HOXD3: variants seen among roughly 807,000 people sequenced by gnomAD.
HOXD3 encodes homeobox protein Hox-D3.
Under a neutral mutation model 32.8 loss-of-function variants are expected in HOXD3, and 13 were observed. The ratio of observed to expected loss-of-function variants is 0.40; its 90% confidence interval spans 0.26 to 0.63. The LOEUF (loss-of-function observed/expected upper bound fraction) is 0.63, where lower values mean the gene tolerates loss of function less well. Ranked by LOEUF, HOXD3 falls within the 20% of genes least tolerant of loss-of-function variation. HOXD3 has a pLI of 0.44. For missense variants in HOXD3, 504 were observed against 577.1 expected (o/e 0.87, Z 1.30); for synonymous variants, 241 against 246.8 (o/e 0.98, Z 0.22).
intron 1 of HOXD3, among the ~76,000 whole-genome samples, chr2:176,162,133 A>G (rs904277889): frequency 2.0e-5 from 3 of 152,276 alleles, no homozygotes; most frequent in Non-Finnish European, 4.4e-5. Context: ...CGCCATCATA[A>G]GAGAGCAGTA....
chr2:176,172,186 G>C lies in HOXD3; in HGVS notation c.1211G>C (p.Cys404Ser). 6.2e-7 allele frequency: 1 copy of C among 1,612,872 alleles called. No homozygotes were observed. The highest frequency in any genetic ancestry group is 8.5e-7 in the Non-Finnish European group (1 of 1,179,980). Residue 404 changes from cysteine to serine, a missense_variant, in exon 4 of 4, where the codon TGC becomes TCC. This residue lies in a region of HOXD3 where 226 missense variants were observed against 246.9 expected (regional missense o/e 0.92). Transcript: ENST00000683222. ...CCAGGCAACCACCACCATGGACCTT[G>C]CGACCCTCATCCCACCTACACAGAT... is the stretch of plus-strand genomic sequence containing the variant. The part of the protein sequence containing the change: ...QIPGNHHHGP[C>S]DPHPTYTDLS...
upstream of HOXD3, chr2:176,153,168 T>G: frequency 1.7e-6 from 1 of 574,954 alleles, no homozygotes; most frequent in Non-Finnish European, 3.1e-6. Context: ...AAGTATATTA[T>G]ATGGCAGGAG....
In HOXD3 at chr2:176,164,173, G is replaced by A. The variant is rs1690891740; in HGVS notation, c.-85+5G>A. On this transcript the variant is annotated splice_donor_5th_base_variant and intron_variant, in intron 2 of 3. Transcript: ENST00000683222. ...ACACACACATACATAATTGTGGTGA[G>A]TGGGCATCATTTAAATAATAATTTC... The A allele has an allele frequency of 6.6e-6, 1 of 152,110 alleles. No individual in the cohort carries two copies. The highest frequency in any genetic ancestry group is 2.4e-5 in the African/African-American group (1 of 41,432). 9.4% of individuals were successfully genotyped at this position (152,110 alleles called of 1,614,324 possible).
In HOXD3 at chr2:176,169,058, GCT is replaced by G; in HGVS notation, c.-51_-50del. On this transcript the variant is annotated 5_prime_UTR_variant, in exon 3 of 4. Coordinates refer to ENST00000683222, the MANE Select transcript of HOXD3 (RefSeq NM_006898.5). The stretch of plus-strand genomic sequence containing the variant: ...CACCTGGAGCCTGGGGGCCGGCCCA[GCT>G]CTCTCAGGATTCAGCAGACATTGGA... The G allele has an allele frequency of 6.5e-7, 1 of 1,541,988 alleles. No homozygotes were observed. Among genetic ancestry groups the G allele is most frequent in the Non-Finnish European group, 8.7e-7 (1 of 1,143,766 alleles).
chr2:176,172,257 A>G lies in HOXD3; in HGVS notation c.1282A>G (p.Lys428Glu). The G allele has an allele frequency of 6.2e-7, 1 of 1,602,568 alleles. No homozygotes were observed. Among genetic ancestry groups the G allele is most frequent in the Non-Finnish European group, 8.5e-7 (1 of 1,177,666 alleles). Residue 428 changes from lysine to glutamate, a missense_variant, in exon 4 of 4, where the codon AAA becomes GAA. This residue lies in a region of HOXD3 where 226 missense variants were observed against 246.9 expected (regional missense o/e 0.92). Coordinates refer to ENST00000683222, the MANE Select transcript of HOXD3 (RefSeq NM_006898.5). ...TCAGGGACGACTGCCGGAGGCTCCC[A>G]AACTGACGCATCTGTAGCGGCCGCC... ...SSQGRLPEAP[K>E]LTHL
intron 2 of HOXD3, among the ~76,000 whole-genome samples, chr2:176,166,612 G>T (rs189226594): frequency 1.3e-5 from 2 of 152,168 alleles, no homozygotes; most frequent in Admixed American, 1.3e-4. Context: ...TTTTAACAGA[G>T]AATGATATAT....
At chr2:176,165,122 C>A (rs1054784349) in intron 2 of HOXD3, 1 of 152,242 alleles carries the variant, frequency 6.6e-6, no homozygotes, top group Non-Finnish European at 1.5e-5. Context: ...GCCTCCTACG[C>A]GGAGCCTGCT....
At chr2:176,166,343 C>A (rs982057176) in intron 2 of HOXD3, among the ~76,000 whole-genome samples, 8 of 152,196 alleles carry the variant, frequency 5.3e-5, no homozygotes, top group Admixed American at 2.0e-4. Context: ...TCTAGATCAA[C>A]TTTGTCAACT....
At chr2:176,152,955 T>TCTTATAGAAGTGG, upstream of HOXD3, 20 of 1,612,052 alleles carry the variant, frequency 1.2e-5, no homozygotes, top group Non-Finnish European at 1.6e-5. This position sits in a 1 kb window ranked among gnomAD's most constrained non-coding sequence, Gnocchi z 5.2. Flanking sequence ...GTGGGGACCC[T>TCTTATAGAAGTGG]GGGCCCATCT....
chr2:176,159,123 T>C (rs1690718876), intron 1 of HOXD3, among the ~76,000 whole-genome samples: 1 of 152,070 alleles, frequency 6.6e-6, no homozygotes, highest in African/African-American at 2.4e-5. Context: ...TTAGATCCTT[T>C]CCTGGAGACA....
rs199829552 is a variant in HOXD3, at chr2:176,172,104, G to C, written c.1129G>C (p.Gly377Arg). The change falls in exon 4 of 4, where the codon GGC (glycine) becomes CGC (arginine). Residue 377 changes from glycine to arginine, a missense_variant. Gly to Arg is a moderately radical substitution (Grantham distance 125, BLOSUM62 -2). Transcript: ENST00000683222. ...APASGPVFNLGHLSHPSSASV... is the reference protein window; with the variant it reads ...APASGPVFNLRHLSHPSSASV... ...CGCGTCCGGGCCTGTCTTCAACCTG[G>C]GCCACCTCTCGCACCCGTCGTCGGC... is the stretch of plus-strand genomic sequence containing the variant. 4 of 1,612,600 alleles carry C rather than the reference G, an allele frequency of 2.5e-6. No homozygotes were observed. Among genetic ancestry groups the C allele is most frequent in the East Asian group, 4.5e-5 (2 of 44,854 alleles).
At chr2:176,160,482 G>A (rs1352264645) in intron 1 of HOXD3, among the ~76,000 whole-genome samples, 4 of 152,196 alleles carry the variant, frequency 2.6e-5, no homozygotes, top group African/African-American at 9.7e-5. Context: ...TCTGCCCCAG[G>A]AATGGGGCCC....
At chr2:176,158,004 T>G (rs1690686087) in intron 1 of HOXD3, among the ~76,000 whole-genome samples, 1 of 152,218 alleles carries the variant, frequency 6.6e-6, no homozygotes, top group South Asian at 2.1e-4. Context: ...AATAGAAGGC[T>G]ATAAAATCGA....
chr2:176,159,140 C>T (rs964849132), intron 1 of HOXD3, among the ~76,000 whole-genome samples: 1 of 152,096 alleles, frequency 6.6e-6, no homozygotes, highest in Non-Finnish European at 1.5e-5. Flanking sequence ...GACAAATTCC[C>T]GCAAAGCAGC....
chr2:176,161,193 A>G (rs1385563218), intron 1 of HOXD3: 3 of 152,206 alleles, frequency 2.0e-5, no homozygotes. Context: ...ATTATTGCCA[A>G]TTGGTGAGGC....
upstream of HOXD3, among the ~76,000 whole-genome samples, chr2:176,154,947 C>T (rs1051563826): frequency 1.3e-5 from 2 of 152,146 alleles, no homozygotes; most frequent in African/African-American, 4.8e-5. Flanking sequence ...GGTATTTTAC[C>T]GAAGTTCGGG....
At chr2:176,152,913 G>C, upstream of HOXD3, 1 of 1,614,174 alleles carries the variant, frequency 6.2e-7, no homozygotes, top group Non-Finnish European at 8.5e-7. This position sits in a 1 kb window ranked among gnomAD's most constrained non-coding sequence, Gnocchi z 5.2. Context: ...GATGGCCAAA[G>C]ACCACCACAC....
intron 2 of HOXD3, among the ~76,000 whole-genome samples, chr2:176,166,258 T>C (rs2113560): frequency 0.5 from 76,604 of 152,122 alleles, 20,858 homozygotes; most frequent in East Asian, 0.74. Flanking sequence ...GAAGCAAATA[T>C]ATATATAAAG....
In HOXD3 at chr2:176,172,714, T is replaced by C. The variant is rs781754393; in HGVS notation, c.*440T>C. On this transcript the variant is annotated 3_prime_UTR_variant, in exon 4 of 4. Coordinates refer to ENST00000683222, the MANE Select transcript of HOXD3 (RefSeq NM_006898.5). ...GGATTGCATCGGACTAAACTATCTG[T>C]ATTTATTATTTGAAGCGAGTCATTT... 1.2e-5 allele frequency: 2 copies of C among 168,428 alleles called. No individual in the cohort carries two copies. The highest frequency in any genetic ancestry group is 2.5e-5 in the Non-Finnish European group (2 of 79,248). The allele number at this position is 168,428 out of a possible 1,614,324, so 10.4% of individuals were successfully genotyped here.
Sources: gnomAD v4.1 joint callset for allele counts (sites outside exome capture counted in the v4.1 genomes callset) on GRCh38, gnomAD v4.1.1 for gene constraint, gnomAD v4.1.1 regional missense constraint, Gnocchi (gnomAD v3.1) non-coding constraint, MANE v1.5 for transcripts, NCBI Gene and HGNC (gene_info 2026-07-23, HGNC 2026-07-21) for gene names.